BICC1: variants seen among roughly 807,000 people sequenced by gnomAD.
BICC1 encodes BicC family RNA binding protein 1.
BICC1 carries 43 observed loss-of-function variants against 111.0 expected under a neutral mutation model. That is an observed-to-expected ratio of 0.39 (90% CI 0.30 to 0.50). BICC1 has a LOEUF of 0.50. BICC1 is among the 20% of genes least tolerant of loss of function. BICC1 has a pLI of 0.88. For missense variants in BICC1, 1,091 were observed against 1,203.2 expected, an observed-to-expected ratio of 0.91 and a Z score of 1.38; for synonymous variants, 467 against 434.4, an observed-to-expected ratio of 1.07 and a Z score of -0.93.
intron 1 of BICC1, among the ~76,000 whole-genome samples, chr10:58,602,577 G>A (rs1031722909): frequency 6.6e-6 from 1 of 152,174 alleles, no homozygotes; most frequent in Admixed American, 6.5e-5. Flanking sequence ...TTTCAGAGAT[G>A]AAAACTGATG....
intron 2 of BICC1, among the ~76,000 whole-genome samples, chr10:58,700,343 C>A (rs1024384437): frequency 6.6e-6 from 1 of 152,102 alleles, no homozygotes; most frequent in East Asian, 1.9e-4. Context: ...GAAGGGGAGC[C>A]TGCTGGGCAT....
intron 1 of BICC1, among the ~76,000 whole-genome samples, chr10:58,523,519 A>C (rs1213330725): frequency 6.6e-6 from 1 of 152,144 alleles, no homozygotes; most frequent in African/African-American, 2.4e-5. Context: ...CATGCTAAAA[A>C]CTCTCAATAA....
At chr10:58,723,257 T>A (rs1012960965) in intron 3 of BICC1, among the ~76,000 whole-genome samples, 1 of 152,062 alleles carries the variant, frequency 6.6e-6, no homozygotes, top group South Asian at 2.1e-4. Flanking sequence ...CTGGAGAAAA[T>A]TCAGTGTAAA....
intron 1 of BICC1, among the ~76,000 whole-genome samples, chr10:58,578,735 A>G (rs1472956791): frequency 6.6e-6 from 1 of 152,136 alleles, no homozygotes. Flanking sequence ...TCGTTACCCT[A>G]TCCCCTCGCC....
chr10:58,536,005 G>T (rs1431087876), intron 1 of BICC1, among the ~76,000 whole-genome samples: 1 of 150,416 alleles, frequency 6.6e-6, no homozygotes, highest in Non-Finnish European at 1.5e-5. Context: ...ATGATAAAAG[G>T]ATCCAATTCA....
At position 58,686,201 on chromosome 10, in the gene BICC1, A is replaced by G. The variant is rs562306629; in HGVS notation, c.238-15873A>G. Reference sequence around the variant, plus strand: ...AATGTTGAATATTGGACCCCACTCTATTCTGGCTTGTAGAGTTTCTGCCGA... The same window carrying G: ...AATGTTGAATATTGGACCCCACTCTGTTCTGGCTTGTAGAGTTTCTGCCGA... On this transcript the variant is annotated intron_variant, in intron 2 of 20. Coordinates refer to ENST00000373886, the MANE Select transcript of BICC1 (RefSeq NM_001080512.3). 1.3e-3 allele frequency among the ~76,000 whole-genome samples: 199 copies of G among 149,040 alleles called. 4 individuals are homozygous for G. Among genetic ancestry groups the G allele is most frequent in the Non-Finnish European group, 1.3e-3 (84 of 66,834 alleles).
chr10:58,631,072 G>A (rs1837779489), intron 2 of BICC1, among the ~76,000 whole-genome samples: 1 of 152,148 alleles, frequency 6.6e-6, no homozygotes, highest in African/African-American at 2.4e-5. Flanking sequence ...AAAAGTGAGT[G>A]CTGTCCTTTT....
At chr10:58,587,152 A>G (rs1022010521) in intron 1 of BICC1, among the ~76,000 whole-genome samples, 1 of 152,194 alleles carries the variant, frequency 6.6e-6, no homozygotes, top group Non-Finnish European at 1.5e-5. Context: ...CATGAATTTT[A>G]GAAGCTTCTT....
intron 1 of BICC1, among the ~76,000 whole-genome samples, chr10:58,613,404 A>G (rs115182459): frequency 1.6e-4 from 25 of 152,354 alleles, no homozygotes; most frequent in African/African-American, 5.8e-4. Context: ...AAGACTCAAT[A>G]GAAGTATTTT....
intron 2 of BICC1, among the ~76,000 whole-genome samples, chr10:58,644,708 C>A (rs1838217239): frequency 6.6e-6 from 1 of 151,962 alleles, no homozygotes; most frequent in Non-Finnish European, 1.5e-5. Context: ...TTTAATTTGG[C>A]CAACGTTGTC....
At chr10:58,788,265 T>C in intron 5 of BICC1, 105 bp from the exon 6 acceptor site, 1 of 811,856 alleles carries the variant, frequency 1.2e-6, no homozygotes, top group South Asian at 1.6e-5. Context: ...TACCTCTGTA[T>C]TTGTCCCTGG....
At chr10:58,731,141 C>A (rs964219360) in intron 3 of BICC1, among the ~76,000 whole-genome samples, 1 of 152,130 alleles carries the variant, frequency 6.6e-6, no homozygotes, top group Non-Finnish European at 1.5e-5. Context: ...TTACCAGATA[C>A]TCTAAATCAT....
At chr10:58,796,551 G>C (rs190572969) in intron 10 of BICC1, 25 bp downstream of exon 10, 4 of 1,579,610 alleles carry the variant, frequency 2.5e-6, no homozygotes, top group Non-Finnish European at 3.4e-6. Flanking sequence ...ATTACAGCGC[G>C]TCTCAGTCAC....
intron 3 of BICC1, among the ~76,000 whole-genome samples, chr10:58,740,271 A>G (rs1401791474): frequency 6.6e-6 from 1 of 152,164 alleles, no homozygotes; most frequent in Non-Finnish European, 1.5e-5. Context: ...ATGAAGGTTT[A>G]TTTCCCTGTT....
chr10:58,515,241 C>T (rs925229557), intron 1 of BICC1, among the ~76,000 whole-genome samples: 2 of 152,320 alleles, frequency 1.3e-5, no homozygotes, highest in Admixed American at 1.3e-4. Context: ...ATCTCTTGAA[C>T]AACCGATATA....
At chr10:58,798,320 C>T in intron 10 of BICC1, 79 bp from the exon 11 acceptor site, 1 of 1,056,926 alleles carries the variant, frequency 9.5e-7, no homozygotes, top group Non-Finnish European at 1.3e-6. Context: ...TTGTGCATTC[C>T]CAATGGCAAT....
At chr10:58,669,384 C>T (rs893688290) in intron 2 of BICC1, among the ~76,000 whole-genome samples, 23 of 152,032 alleles carry the variant, frequency 1.5e-4, no homozygotes, top group African/African-American at 5.6e-4. Flanking sequence ...TTTGGAGCAT[C>T]TGAATTTGTA....
At chr10:58,740,453 A>T (rs1377212320) in intron 3 of BICC1, among the ~76,000 whole-genome samples, 1 of 152,208 alleles carries the variant, frequency 6.6e-6, no homozygotes, top group Non-Finnish European at 1.5e-5. Context: ...GCTCTGATTC[A>T]TTTGGATAAA....
intron 3 of BICC1, among the ~76,000 whole-genome samples, chr10:58,738,242 A>G (rs1408802934): frequency 6.6e-6 from 1 of 152,160 alleles, no homozygotes; most frequent in Admixed American, 6.5e-5. Context: ...TAAGTCTTTA[A>G]TCCATCTTGA....
Sources: allele counts gnomAD v4.1 joint callset (sites outside exome capture counted in the v4.1 genomes callset), GRCh38; gene constraint gnomAD v4.1.1; transcripts MANE v1.5; gene names NCBI Gene and HGNC (gene_info 2026-07-23, HGNC 2026-07-21).